FREM1: variants seen among roughly 807,000 people sequenced by gnomAD.
The protein encoded by FREM1 is FRAS1-related extracellular matrix protein 1.
A neutral mutation model predicts 210.1 loss-of-function variants in FREM1; 220 were observed. The observed-to-expected ratio is 1.05, with a 90% confidence interval of 0.94 to 1.17. The LOEUF (loss-of-function observed/expected upper bound fraction) is 1.17, where lower values mean the gene tolerates loss of function less well. Ranked by LOEUF, FREM1 falls within the 50% of genes most tolerant of loss-of-function variation. The pLI is 0.00. For missense variants in FREM1, 3,454 were observed against 2,675.5 expected (o/e 1.29, Z -6.42); for synonymous variants, 1,189 against 980.2 (o/e 1.21, Z -3.98).
intron 10 of FREM1, among the ~76,000 whole-genome samples, chr9:14,830,410 T>A (rs927203991): frequency 6.6e-6 from 1 of 152,162 alleles, no homozygotes; most frequent in African/African-American, 2.4e-5. Context: ...TTTTCTACTG[T>A]TTGCCTGGGA....
intron 29 of FREM1, chr9:14,751,628 C>T (rs1843407926): frequency 6.6e-6 from 1 of 152,424 alleles, no homozygotes; most frequent in African/African-American, 2.4e-5. Flanking sequence ...TCACTGCACT[C>T]CAGCCTGGGC....
At chr9:14,906,484 G>A (rs907782884) in intron 1 of FREM1, among the ~76,000 whole-genome samples, 1 of 152,058 alleles carries the variant, frequency 6.6e-6, no homozygotes, top group African/African-American at 2.4e-5. Flanking sequence ...GTCTTTCTAA[G>A]GTGTAGGATC....
At chr9:14,797,047 G>A (rs1226628102) in intron 21 of FREM1, among the ~76,000 whole-genome samples, 1 of 152,182 alleles carries the variant, frequency 6.6e-6, no homozygotes, top group Non-Finnish European at 1.5e-5. Flanking sequence ...AATGAAAGAA[G>A]TGGGTTGATT....
intron 1 of FREM1, among the ~76,000 whole-genome samples, chr9:14,888,096 C>T (rs1288341875): frequency 2.0e-5 from 3 of 152,138 alleles, no homozygotes; most frequent in African/African-American, 2.4e-5. Flanking sequence ...CCACGTCTGG[C>T]CAAAACCAAC....
intron 35 of FREM1, among the ~76,000 whole-genome samples, chr9:14,744,577 A>G (rs961831850): frequency 2.6e-5 from 4 of 152,114 alleles, no homozygotes; most frequent in African/African-American, 9.7e-5. Flanking sequence ...ATTTTATTCC[A>G]TCACTTATAA....
chr9:14,904,666 T>A (rs1380664223), intron 1 of FREM1, among the ~76,000 whole-genome samples: 1 of 152,174 alleles, frequency 6.6e-6, no homozygotes, highest in African/African-American at 2.4e-5. Context: ...TGCTGTCCAA[T>A]AATGGCAAGA....
intron 1 of FREM1, among the ~76,000 whole-genome samples, chr9:14,884,089 C>T (rs1039173545): frequency 1.3e-5 from 2 of 152,072 alleles, no homozygotes; most frequent in Non-Finnish European, 2.9e-5. Context: ...ATCAGCCGGG[C>T]GTGGTGGTGG....
Position 14,769,800 on chromosome 9 carries a change from G to T in FREM1, c.5128C>A (p.Pro1710Thr), listed in dbSNP as rs1409442643. Reference protein sequence around the residue: ...NSKTILYIINPSLEVNSDTVE... With the variant: ...NSKTILYIINTSLEVNSDTVE... ...GTATCTGAATTTACTTCCAAAGATG[G>T]GTTTATGATGTAAAGAATAGTCTTA... Residue 1710 changes from proline to threonine, a missense_variant, in exon 27 of 37, where the codon CCA becomes ACA. Coordinates refer to ENST00000380880, the MANE Select transcript of FREM1 (RefSeq NM_001379081.2). 1.2e-6 allele frequency: 2 copies of T among 1,609,242 alleles called. No homozygotes were observed. The highest frequency in any genetic ancestry group is 2.2e-5 in the East Asian group (1 of 44,776).
Position 14,737,364 on chromosome 9 carries a change from C to G in FREM1, c.*32G>C. On this transcript the variant is annotated 3_prime_UTR_variant, in exon 37 of 37. Transcript: ENST00000380880. ...ATCCTGTGAATAAATAGGTGACAAA[C>G]TCCAGGTGGCCCCCTGTAGGGTCTG... 6.4e-7 allele frequency: 1 copy of G among 1,554,398 alleles called. No individual in the cohort carries two copies. Among genetic ancestry groups the G allele is most frequent in the Admixed American group, 1.7e-5 (1 of 57,490 alleles).
At chr9:14,851,258 C>G (rs748246143) in intron 6 of FREM1, 26 bp downstream of exon 6, 1 of 1,528,044 alleles carries the variant, frequency 6.5e-7, no homozygotes, top group Non-Finnish European at 8.8e-7. Flanking sequence ...TCTAACTAGG[C>G]TGGAAGCTTT....
At chr9:14,835,013 C>G (rs1025251220) in intron 10 of FREM1, among the ~76,000 whole-genome samples, 2 of 152,154 alleles carry the variant, frequency 1.3e-5, no homozygotes, top group African/African-American at 2.4e-5. Context: ...CAGGTGTTCT[C>G]AAATGCAGGT....
chr9:14,861,068 TAC>T lies in FREM1; in HGVS notation c.330-1586_330-1585del, dbSNP rs372327841. ...ATACATATATACATATATACACATA[TAC>T]ATATATACATATATACACATATATA... On this transcript the variant is annotated intron_variant, in intron 3 of 36. Transcript: ENST00000380880. Among the ~76,000 whole-genome samples the T allele has an allele frequency of 3.8e-3, 211 of 56,048 alleles. 32 individuals carry two copies. The highest frequency in any genetic ancestry group is 0.013 in the Middle Eastern group (1 of 78). The allele number at this position is 56,048 out of a possible 152,430, so 36.8% of individuals were successfully genotyped here. A position where few individuals can be genotyped will look rare whatever the true frequency, so the allele number is the denominator to read the frequency against.
chr9:14,885,730 A>T (rs1322292203), intron 1 of FREM1, among the ~76,000 whole-genome samples: 2 of 152,116 alleles, frequency 1.3e-5, no homozygotes, highest in Non-Finnish European at 2.9e-5. Context: ...GACTTAATTT[A>T]GCTGTTTTGC....
intron 20 of FREM1, among the ~76,000 whole-genome samples, chr9:14,800,965 T>C (rs115817161): frequency 0.047 from 7,162 of 152,240 alleles, 549 homozygotes; most frequent in African/African-American, 0.16. Context: ...GATGCATGTA[T>C]ACATTGTGAA....
chr9:14,749,755 G>T (rs1843018039), intron 30 of FREM1, among the ~76,000 whole-genome samples: 1 of 152,142 alleles, frequency 6.6e-6, no homozygotes, highest in Non-Finnish European at 1.5e-5. Context: ...ACTACAGTGG[G>T]GGCTCAGATT....
At chr9:14,789,745 C>G (rs1443831585) in intron 22 of FREM1, among the ~76,000 whole-genome samples, 3 of 152,230 alleles carry the variant, frequency 2.0e-5, no homozygotes, top group Admixed American at 2.0e-4. Flanking sequence ...TAAAAGTAAG[C>G]CAACATTATT....
intron 12 of FREM1, among the ~76,000 whole-genome samples, chr9:14,823,583 T>G (rs1821776063): frequency 6.6e-6 from 1 of 152,198 alleles, no homozygotes; most frequent in Non-Finnish European, 1.5e-5. Context: ...CACCTTGATT[T>G]AAGACTTCTA....
intron 20 of FREM1, among the ~76,000 whole-genome samples, chr9:14,799,602 T>C (rs997786085): frequency 4.6e-5 from 7 of 152,096 alleles, no homozygotes; most frequent in South Asian, 2.1e-4. Context: ...TTTTAAAAAA[T>C]TGACTTTCTT....
intron 26 of FREM1, among the ~76,000 whole-genome samples, chr9:14,770,139 T>G (rs1847263510): frequency 6.6e-6 from 1 of 152,188 alleles, no homozygotes; most frequent in Admixed American, 6.5e-5. Flanking sequence ...TAAAAATCTG[T>G]AACTTGGTGC....
Sources: allele counts gnomAD v4.1 joint callset (sites outside exome capture counted in the v4.1 genomes callset), GRCh38; gene constraint gnomAD v4.1.1; transcripts MANE v1.5; gene names NCBI Gene and HGNC (gene_info 2026-07-23, HGNC 2026-07-21).